IL12RB1: variants seen among roughly 807,000 people sequenced by gnomAD.
The protein encoded by IL12RB1 is interleukin 12 receptor subunit beta 1, also known as interleukin-12 receptor subunit beta-1.
Under a neutral mutation model 94.4 loss-of-function variants are expected in IL12RB1, and 64 were observed. The ratio of observed to expected loss-of-function variants is 0.68; its 90% CI spans 0.55 to 0.83. The LOEUF is 0.83. Among genes scored for constraint, IL12RB1 ranks in the 40% least tolerant of loss-of-function variants. The pLI is 0.00. For synonymous variants in IL12RB1, 362 were observed against 355.5 expected, an observed-to-expected ratio of 1.02 and a Z score of -0.21; for missense variants, 814 against 855.6, an observed-to-expected ratio of 0.95 and a Z score of 0.61.
At chr19:18,098,922 G>C (rs757362462) in exon 1 of IL12RB1, 31 of 373,524 alleles carry the variant, frequency 8.3e-5, no homozygotes, top group Non-Finnish European at 1.5e-4. Context: ...GGGACTCACA[G>C]CAAGTGAAGG....
chr19:18,062,125 C>A, intron 14 of IL12RB1, 56 bp downstream of exon 14: 1 of 1,208,990 alleles, frequency 8.3e-7, no homozygotes, highest in South Asian at 1.2e-5. Flanking sequence ...CACTTTAGGG[C>A]TCCCCTGCCC....
rs374424762 is a variant in IL12RB1 at position 18,066,679 on chromosome 19, G to A, written c.1346C>T (p.Pro449Leu). The change falls in exon 12 of 17, where the codon CCG (proline) becomes CTG (leucine). Residue 449 changes from proline (P) to leucine (L), a missense_variant. Transcript: ENST00000593993. ...FGGNASAAGT[P>L]HHVSVKNHSL... is the part of the protein sequence containing the mutation. ...ATGATTCTTCACCGAGACGTGGTGC[G>A]GTGTCCCAGCTGCTGAGGCTGCAAC... The A allele has an allele frequency of 3.0e-5, 48 of 1,608,938 alleles. No individual in the cohort carries two copies. Among genetic ancestry groups the A allele is most frequent in the Non-Finnish European group, 3.6e-5 (42 of 1,176,382 alleles).
At chr19:18,087,038 G>A (rs941206813), upstream of IL12RB1, 1 of 981,446 alleles carries the variant, frequency 1.0e-6, no homozygotes. Context: ...TGGTGGTGAT[G>A]GTGGCGGCCA....
At chr19:18,074,592 A>G (rs983399435) in intron 7 of IL12RB1, among the ~76,000 whole-genome samples, 1 of 152,086 alleles carries the variant, frequency 6.6e-6, no homozygotes, top group African/African-American at 2.4e-5. Flanking sequence ...TACTAAAAAT[A>G]CAAAATTAGC....
At chr19:18,083,523 C>G in intron 1 of IL12RB1, 32 bp from the exon 2 acceptor site, 2 of 1,610,816 alleles carry the variant, frequency 1.2e-6, no homozygotes, top group Non-Finnish European at 1.7e-6. Flanking sequence ...AATGACATTC[C>G]TGGCCTTGCA....
Position 18,066,749 on chromosome 19 carries a change from T to G in IL12RB1, c.1328-52A>C. On this transcript the variant is annotated intron_variant, in intron 11 of 16. Transcript: ENST00000593993. ...AACACCAAGAATGCTGGTCGAGGCC[T>G]GGCACAGTGGCTCGCACCTGTAATC... is the stretch of plus-strand genomic sequence containing the variant. 4 of 1,491,920 alleles carry G rather than the reference T, an allele frequency of 2.7e-6. No individual in the cohort carries two copies. The South Asian group carries it at 3.4e-5, about 13-fold the overall frequency. The allele number at this position is 1,491,920 out of a possible 1,614,324, so 92.4% of individuals were successfully genotyped here.
chr19:18,077,669 T>C lies in IL12RB1; in HGVS notation c.410-14A>G, dbSNP rs2146340184. On this transcript the variant is annotated splice_polypyrimidine_tract_variant and intron_variant, in intron 4 of 16. Transcript: ENST00000593993. ...GCTCATATTTAACTGGAAGCAGAGGTAGGGATTGGCGAGGGGCAGCCCACA... is the reference window on the plus strand; with the variant it reads ...GCTCATATTTAACTGGAAGCAGAGGCAGGGATTGGCGAGGGGCAGCCCACA... 5 of 1,566,708 alleles carry C rather than the reference T, an allele frequency of 3.2e-6. No individual in the cohort carries two copies. The highest frequency in any genetic ancestry group is 1.1e-5 in the South Asian group (1 of 90,102).
Position 18,083,129 on chromosome 19 carries a change from G to A in IL12RB1, c.124+303C>T, listed in dbSNP as rs367849656. The A allele has an allele frequency of 1.7e-4, 95 of 547,218 alleles. 1 individual carries two copies. Among genetic ancestry groups the A allele is most frequent in the African/African-American group, 1.2e-3 (63 of 52,840 alleles). 33.9% of individuals were successfully genotyped at this position (547,218 alleles called of 1,614,324 possible). On this transcript the variant is annotated intron_variant, in intron 2 of 16. Coordinates refer to ENST00000593993, the MANE Select transcript of IL12RB1 (RefSeq NM_005535.3). ...ATGTTCTAATAATTTATCAGGTTGG[G>A]GGGGGGGCTTCAAAATGCTTAACAG...
intron 1 of IL12RB1, 50 bp from the exon 2 acceptor site, chr19:18,083,541 G>C (rs777191666): frequency 6.3e-7 from 1 of 1,584,520 alleles, no homozygotes; most frequent in Non-Finnish European, 8.7e-7. Context: ...GCACTGTGTG[G>C]GGAGAAGGGC....
chr19:18,096,781 A>G (rs1382806300), intron 1 of IL12RB1, among the ~76,000 whole-genome samples: 1 of 151,514 alleles, frequency 6.6e-6, no homozygotes, highest in African/African-American at 2.4e-5. Context: ...GGTTGCCGAG[A>G]TCATGCCACT....
In IL12RB1 at chr19:18,072,252, T is replaced by C; in HGVS notation, c.881A>G (p.Lys294Arg). The change falls in exon 9 of 17, where the codon AAG becomes AGG. Residue 294 changes from lysine to arginine, a missense_variant. Physicochemically the swap from Lys to Arg is conservative, Grantham distance 26. Transcript: ENST00000593993. ...GTGCAGGGTCCTGGTGGCCTTGGCC[T>C]TACACGGGCAGGACAGCATGTGGAG... ...LQLHMLSCPC[K>R]AKATRTLHLG... 1 of 1,614,088 alleles carries C rather than the reference T, an allele frequency of 6.2e-7. No individual in the cohort carries two copies. Among genetic ancestry groups the C allele is most frequent in the Non-Finnish European group, 8.5e-7 (1 of 1,179,948 alleles).
intron 13 of IL12RB1, 42 bp from the exon 14 acceptor site, chr19:18,062,319 C>A: frequency 1.6e-6 from 2 of 1,264,364 alleles, no homozygotes; most frequent in Non-Finnish European, 2.3e-6. Flanking sequence ...CTACCTCCTG[C>A]CTCTTCCTCA....
upstream of IL12RB1, among the ~76,000 whole-genome samples, chr19:18,091,722 G>A (rs2036636870): frequency 6.6e-6 from 1 of 152,048 alleles, no homozygotes; most frequent in African/African-American, 2.4e-5. Context: ...ATTTGAGACA[G>A]GGTCTCACTC....
Position 18,063,944 on chromosome 19 carries a change from G to T in IL12RB1, c.1550C>A (p.Thr517Lys). Reference sequence around the variant, plus strand: ...CGCTGTGTCTGCTCGCACCTGCACCGTGTAGGCTACACCAGCCCGCAGGCC... The same window carrying T: ...CGCTGTGTCTGCTCGCACCTGCACCTTGTAGGCTACACCAGCCCGCAGGCC... ...LSGLRAGVAY[T>K]VQVRADTAWL... is the part of the protein sequence containing the mutation. Residue 517 changes from threonine (T) to lysine (K), a missense_variant, in exon 13 of 17, where the codon ACG (threonine) becomes AAG (lysine). Physicochemically the swap from Thr to Lys is moderately conservative, Grantham distance 78. Coordinates refer to ENST00000593993, the MANE Select transcript of IL12RB1 (RefSeq NM_005535.3). 1.9e-6 allele frequency: 3 copies of T among 1,612,768 alleles called. No individual in the cohort carries two copies. The highest frequency in any genetic ancestry group is 2.5e-6 in the Non-Finnish European group (3 of 1,178,996).
chr19:18,072,827 G>A (rs1043397966), intron 8 of IL12RB1, among the ~76,000 whole-genome samples: 26 of 151,396 alleles, frequency 1.7e-4, no homozygotes, highest in Admixed American at 1.1e-3. Context: ...GGCGCCTGTA[G>A]TCCCAGCTAC....
At position 18,068,402 on chromosome 19, in the gene IL12RB1, G is replaced by T; in HGVS notation, c.1314C>A (p.His438Gln). 2 of 1,612,530 alleles carry T rather than the reference G, an allele frequency of 1.2e-6. No homozygotes were observed. Among genetic ancestry groups the T allele is most frequent in the South Asian group, 2.2e-5 (2 of 90,976 alleles). ...TLWSTVLSTY[H>Q]FGGNASAAGT... The stretch of plus-strand genomic sequence containing the variant: ...TGGGTCACTTACCATTGCCCCCAAA[G>T]TGGTAGGTGGACAGGACCGTAGACC... The change falls in exon 11 of 17, where the codon CAC becomes CAA. Residue 438 changes from histidine (H) to glutamine (Q), a missense_variant. By Grantham distance (24) the His-to-Gln change is conservative. Coordinates refer to ENST00000593993, the MANE Select transcript of IL12RB1 (RefSeq NM_005535.3).
intron 1 of IL12RB1, chr19:18,097,656 G>A (rs2037070149): frequency 4.7e-6 from 2 of 425,498 alleles, no homozygotes; most frequent in East Asian, 9.3e-5. Flanking sequence ...TGGGGGCGGG[G>A]CCCTGTGGTC....
intron 1 of IL12RB1, among the ~76,000 whole-genome samples, chr19:18,096,900 T>C (rs2036986390): frequency 6.6e-6 from 1 of 151,324 alleles, no homozygotes; most frequent in Non-Finnish European, 1.5e-5. Context: ...ATCCCAACAC[T>C]TTGGGAGGCC....
chr19:18,063,218 C>A (rs1271330911), intron 13 of IL12RB1, among the ~76,000 whole-genome samples: 2 of 150,368 alleles, frequency 1.3e-5, no homozygotes, highest in African/African-American at 4.9e-5. Flanking sequence ...ACCTCAGCCT[C>A]CTGAGCAGCT....
Sources: gnomAD v4.1 joint callset for allele counts (sites outside exome capture counted in the v4.1 genomes callset) on GRCh38, gnomAD v4.1.1 for gene constraint, MANE v1.5 for transcripts, NCBI Gene and HGNC (gene_info 2026-07-23, HGNC 2026-07-21) for gene names.